Variants in MARVELD3 observed in about 807,000 individuals in gnomAD.
MARVELD3 encodes the protein MARVEL domain-containing protein 3.
A neutral mutation model predicts 33.5 loss-of-function variants in MARVELD3; 28 were observed. The ratio of observed to expected loss-of-function variants is 0.84; its 90% CI spans 0.62 to 1.15. MARVELD3 has a LOEUF of 1.15. Among genes scored for constraint, MARVELD3 ranks in the 50% most tolerant of loss-of-function variants. The pLI, the probability that MARVELD3 is intolerant of heterozygous loss-of-function variation, is 0.00. For missense variants in MARVELD3, 582 were observed against 547.6 expected, an observed-to-expected ratio of 1.06 and a Z score of -0.63; for synonymous variants, 241 against 230.4, an observed-to-expected ratio of 1.05 and a Z score of -0.42.
intron 2 of MARVELD3, among the ~76,000 whole-genome samples, chr16:71,632,672 T>C (rs1248928364): frequency 6.6e-6 from 1 of 151,670 alleles, no homozygotes; most frequent in Non-Finnish European, 1.5e-5. Flanking sequence ...GGTACAGTGG[T>C]GCAATCTCAG....
chr16:71,636,064 CATTAA>C lies in MARVELD3; in HGVS notation c.*1266_*1270del. 1 of 985,248 alleles carries C rather than the reference CATTAA, an allele frequency of 1.0e-6. No homozygotes were observed. Among genetic ancestry groups the C allele is most frequent in the Non-Finnish European group, 1.2e-6 (1 of 829,874 alleles). The allele number at this position is 985,248 out of a possible 1,614,324, so 61.0% of individuals were successfully genotyped here. A position where few individuals can be genotyped will look rare whatever the true frequency, so the allele number is the denominator to read the frequency against. On this transcript the variant is annotated 3_prime_UTR_variant, in exon 3 of 3. Transcript: ENST00000268485. ...GACAACTTCATGGGTTCTTACTGCA[CATTAA>C]ATTATGACTTATGGAACATTGCAAT...
chr16:71,640,841 G>A (rs1475614502), downstream of MARVELD3: 1 of 1,614,220 alleles, frequency 6.2e-7, no homozygotes. Flanking sequence ...TCACCTGGAT[G>A]GACTGCCAGC....
intron 1 of MARVELD3, among the ~76,000 whole-genome samples, chr16:71,627,167 G>A (rs2044481975): frequency 6.6e-6 from 1 of 152,218 alleles, no homozygotes; most frequent in African/African-American, 2.4e-5. Context: ...CCGATGAAGA[G>A]TTAATAGTTT....
At chr16:71,634,021 C>T (rs949036521) in intron 2 of MARVELD3, among the ~76,000 whole-genome samples, 172 bp from the exon 3 acceptor site, 3 of 152,140 alleles carry the variant, frequency 2.0e-5, no homozygotes, top group African/African-American at 7.2e-5. Context: ...TTTCTGGAGA[C>T]CACAGTTCCC....
downstream of MARVELD3, chr16:71,639,019 A>G (rs558056201): frequency 1.4e-5 from 2 of 146,016 alleles, no homozygotes; most frequent in South Asian, 2.1e-4. Flanking sequence ...AGACTGTTAC[A>G]TACATGAAAT....
intron 2 of MARVELD3, among the ~76,000 whole-genome samples, 199 bp from the exon 3 acceptor site, chr16:71,633,994 T>C (rs1290745399): frequency 6.6e-6 from 1 of 152,054 alleles, no homozygotes; most frequent in Non-Finnish European, 1.5e-5. Flanking sequence ...TCTGAGTCCA[T>C]AGTATTTCTG....
chr16:71,634,758 A>G lies in MARVELD3; in HGVS notation c.1161A>G (p.Lys387=), dbSNP rs760580945. ...TCCTGGCCATAAAGGGCTACCGAAA[A>G]GTTAGGAAGCTAAAAGAGAAGCCAG... ...GAVLAIKGYR[K]VRKLKEKPAE... The change falls in exon 3 of 3, where the codon AAA becomes AAG. Residue 387 remains lysine, a synonymous_variant. Transcript: ENST00000268485. 2 of 1,609,180 alleles carry G rather than the reference A, an allele frequency of 1.2e-6. No homozygotes were observed. Among genetic ancestry groups the G allele is most frequent in the African/African-American group, 2.7e-5 (2 of 74,556 alleles).
At chr16:71,631,691 C>T (rs1477252104) in intron 2 of MARVELD3, among the ~76,000 whole-genome samples, 1 of 151,882 alleles carries the variant, frequency 6.6e-6, no homozygotes, top group African/African-American at 2.4e-5. Context: ...CGTGATCTGC[C>T]CGCCTTGGCC....
chr16:71,636,090 G>A lies in MARVELD3; in HGVS notation c.*1287G>A, dbSNP rs112433481. On this transcript the variant is annotated 3_prime_UTR_variant, in exon 3 of 3. Coordinates refer to ENST00000268485, the MANE Select transcript of MARVELD3 (RefSeq NM_052858.6). The stretch of plus-strand genomic sequence containing the variant: ...ATTAAATTATGACTTATGGAACATT[G>A]CAATATATTCTCGGTCCTTAAGTTA... 1.6e-3 allele frequency: 1,566 copies of A among 985,054 alleles called. 23 individuals are homozygous for A. The African/African-American group carries it at 0.025, about 16-fold the overall frequency. The allele number at this position is 985,054 out of a possible 1,614,324, so 61.0% of individuals were successfully genotyped here.
At chr16:71,631,641 T>C (rs572479948) in intron 2 of MARVELD3, among the ~76,000 whole-genome samples, 6 of 152,090 alleles carry the variant, frequency 3.9e-5, no homozygotes, top group African/African-American at 1.4e-4. Flanking sequence ...AGAGACAGGG[T>C]TTTACCATGT....
Position 71,626,908 on chromosome 16 carries a change from C to T in MARVELD3, c.467+212C>T. Reference sequence around the variant, plus strand: ...CGTGGCCTGAACCCAACTAACAAAGCAAAAACCACCCCTGTGAGCAGTGGC... The same window carrying T: ...CGTGGCCTGAACCCAACTAACAAAGTAAAAACCACCCCTGTGAGCAGTGGC... On this transcript the variant is annotated intron_variant, in intron 1 of 2. Transcript: ENST00000268485. This position sits in a 1 kb window ranked among gnomAD's most constrained non-coding sequence, Gnocchi z 5.3. 1 of 476,484 alleles carries T rather than the reference C, an allele frequency of 2.1e-6. No homozygotes were observed. 29.5% of individuals were successfully genotyped at this position (476,484 alleles called of 1,614,324 possible).
Position 71,635,401 on chromosome 16 carries a change from C to A in MARVELD3, c.*598C>A. On this transcript the variant is annotated 3_prime_UTR_variant, in exon 3 of 3. Transcript: ENST00000268485. ...AAAGCATGTACTACAACAGAGTGCA[C>A]CTCTTCATTCAGTAAAGGGAGGTCA... 1 of 984,630 alleles carries A rather than the reference C, an allele frequency of 1.0e-6. No individual in the cohort carries two copies. Among genetic ancestry groups the A allele is most frequent in the Non-Finnish European group, 1.2e-6 (1 of 829,866 alleles). The allele number at this position is 984,630 out of a possible 1,614,324, so 61.0% of individuals were successfully genotyped here. A position where few individuals can be genotyped will look rare whatever the true frequency, so the allele number is the denominator to read the frequency against.
In MARVELD3 at chr16:71,635,200, G is replaced by A; in HGVS notation, c.*397G>A. On this transcript the variant is annotated 3_prime_UTR_variant, in exon 3 of 3. Transcript: ENST00000268485. ...AAAAATTAGCCAGGCGTGGTGGCGG[G>A]CGCCTGTAATCCCAGCTACTTGGGA... 1 of 745,944 alleles carries A rather than the reference G, an allele frequency of 1.3e-6. No individual in the cohort carries two copies. The highest frequency in any genetic ancestry group is 1.6e-6 in the Non-Finnish European group (1 of 609,632). The allele number at this position is 745,944 out of a possible 1,614,324, so 46.2% of individuals were successfully genotyped here.
At chr16:71,640,939 AC>A, downstream of MARVELD3, 2 of 1,614,086 alleles carry the variant, frequency 1.2e-6, no homozygotes, top group Non-Finnish European at 1.7e-6. Flanking sequence ...CTGCGTAGCT[AC>A]CGAGAACAGA....
At position 71,634,320 on chromosome 16, in the gene MARVELD3, A is replaced by T. The variant is rs2044561127; in HGVS notation, c.723A>T (p.Gly241=). The change falls in exon 3 of 3, where the codon GGA becomes GGT. Residue 241 remains glycine (G), a synonymous_variant. Coordinates refer to ENST00000268485, the MANE Select transcript of MARVELD3 (RefSeq NM_052858.6). The part of the protein sequence containing the change: ...SLGGIYYYQF[G]GAYSGFDGAD... ...GGGGCATTTACTACTATCAGTTCGG[A>T]GGGGCTTACAGTGGCTTTGATGGTG... 6.2e-7 allele frequency: 1 copy of T among 1,613,952 alleles called. No homozygotes were observed. Among genetic ancestry groups the T allele is most frequent in the Non-Finnish European group, 8.5e-7 (1 of 1,180,020 alleles).
intron 1 of MARVELD3, among the ~76,000 whole-genome samples, chr16:71,628,717 C>T (rs1277486233): frequency 6.6e-6 from 1 of 151,880 alleles, no homozygotes; most frequent in African/African-American, 2.4e-5. Context: ...GAACAGGGGC[C>T]TCCTGTGCAT....
downstream of MARVELD3, chr16:71,638,778 C>T (rs976009767): frequency 2.0e-5 from 3 of 152,122 alleles, no homozygotes; most frequent in Non-Finnish European, 4.4e-5. Context: ...TTAGGTTTCC[C>T]CCTTTTACCT....
chr16:71,641,056 C>T (rs1051200872), downstream of MARVELD3: 6 of 1,571,988 alleles, frequency 3.8e-6, no homozygotes, highest in Admixed American at 1.1e-4. Context: ...TGTGAACGCA[C>T]ATTGTTTCTC....
At chr16:71,628,541 CA>C (rs34650574) in intron 1 of MARVELD3, among the ~76,000 whole-genome samples, 268 of 122,120 alleles carry the variant, frequency 2.2e-3, no homozygotes, top group South Asian at 7.5e-3. Flanking sequence ...CATCTCAAAA[CA>C]AAAAAAAAAA....
Sources: gnomAD v4.1 joint callset for allele counts (sites outside exome capture counted in the v4.1 genomes callset) on GRCh38, gnomAD v4.1.1 for gene constraint, Gnocchi (gnomAD v3.1) non-coding constraint, MANE v1.5 for transcripts, NCBI Gene and HGNC (gene_info 2026-07-23, HGNC 2026-07-21) for gene names.